Variants in ENPP6 observed in about 807,000 individuals in gnomAD.
ENPP6 encodes the protein ectonucleotide pyrophosphatase/phosphodiesterase 6, also known as glycerophosphocholine cholinephosphodiesterase ENPP6.
ENPP6 carries 32 observed loss-of-function variants against 42.0 expected under a neutral mutation model. That is an observed-to-expected ratio of 0.76 (90% confidence interval 0.58 to 1.02). ENPP6 has a LOEUF of 1.02. Among genes scored for constraint, ENPP6 ranks in the 50% least tolerant of loss-of-function variants. The pLI, the probability that ENPP6 is intolerant of heterozygous loss-of-function variation, is 0.00. For missense variants in ENPP6, 552 were observed against 566.8 expected, an observed-to-expected ratio of 0.97 and a Z score of 0.27; for synonymous variants, 213 against 216.0, an observed-to-expected ratio of 0.99 and a Z score of 0.12.
intron 3 of ENPP6, 54 bp from the exon 4 acceptor site, chr4:184,117,954 C>A (rs1035169324): frequency 2.5e-6 from 4 of 1,582,140 alleles, no homozygotes; most frequent in Non-Finnish European, 3.4e-6. Context: ...CCAGCTTGCT[C>A]CCTTATCACC....
chr4:184,116,649 C>A (rs1023131285), intron 5 of ENPP6, among the ~76,000 whole-genome samples: 7 of 152,132 alleles, frequency 4.6e-5, no homozygotes, highest in Admixed American at 6.5e-5. Context: ...AGGAGAATCA[C>A]TTGAACCTGG....
Position 184,129,133 on chromosome 4 carries a change from T to C in ENPP6, c.422-4861A>G, listed in dbSNP as rs77018228. ...TATCATCACCATGGTAATTTATTATTACTGTTCTAGAACTTCTCGAACAGG... is the reference window on the plus strand; with the variant it reads ...TATCATCACCATGGTAATTTATTATCACTGTTCTAGAACTTCTCGAACAGG... On this transcript the variant is annotated intron_variant, in intron 2 of 7. Coordinates refer to ENST00000296741, the MANE Select transcript of ENPP6 (RefSeq NM_153343.4). Among the ~76,000 whole-genome samples, 611 of 152,312 alleles carry C rather than the reference T, an allele frequency of 4.0e-3. 7 individuals carry two copies. Among genetic ancestry groups the C allele is most frequent in the African/African-American group, 0.013 (551 of 41,568 alleles).
At chr4:184,131,196 TCTTTC>T (rs796626776) in intron 2 of ENPP6, among the ~76,000 whole-genome samples, 2,246 of 54,132 alleles carry the variant, frequency 0.041, 126 homozygotes, top group South Asian at 0.044. Context: ...TTTCTTTCTT[TCTTTC>T]TTCTTTCTTT....
intron 1 of ENPP6, among the ~76,000 whole-genome samples, chr4:184,188,519 C>G (rs35355130): frequency 6.6e-6 from 1 of 151,850 alleles, no homozygotes; most frequent in African/African-American, 2.4e-5. Flanking sequence ...GAAGCTGTGT[C>G]ACAGTCTTGC....
intron 1 of ENPP6, among the ~76,000 whole-genome samples, chr4:184,166,324 C>T (rs991663886): frequency 1.3e-5 from 2 of 151,876 alleles, no homozygotes; most frequent in African/African-American, 2.4e-5. Flanking sequence ...ACAAAAATAA[C>T]CCCAAAAGAG....
chr4:184,101,421 G>C (rs1165966639), intron 6 of ENPP6, among the ~76,000 whole-genome samples: 1 of 151,906 alleles, frequency 6.6e-6, no homozygotes, highest in Non-Finnish European at 1.5e-5. Flanking sequence ...CAAATAAAGA[G>C]GGTGGGGTCG....
intron 1 of ENPP6, among the ~76,000 whole-genome samples, chr4:184,154,161 TTTCCTTTCTTAAATAAGAGGAGTTGTTGC>T (rs1278872528): frequency 6.6e-6 from 1 of 152,238 alleles, no homozygotes; most frequent in East Asian, 1.9e-4. Flanking sequence ...GCGTTTATTC[TTTCCTTTCTTAAATAAGAGGAGTTGTTGC>T]TTCAGCTCTG....
intron 2 of ENPP6, among the ~76,000 whole-genome samples, chr4:184,141,666 C>T (rs1184457626): frequency 6.6e-6 from 1 of 152,266 alleles, no homozygotes; most frequent in South Asian, 2.1e-4. Context: ...GTATTCCCAT[C>T]TCGGGCAGTC....
rs533234483 is a variant in ENPP6 at position 184,196,221 on chromosome 4, G to A, written c.241+21358C>T. Among the ~76,000 whole-genome samples, 62 of 152,310 alleles carry A rather than the reference G, an allele frequency of 4.1e-4. No homozygotes were observed. The South Asian group carries it at 7.5e-3, about 18-fold the overall frequency. Reference sequence around the variant, plus strand: ...TTCAGGCTTTACTCAAATAACTGTCGCCTCAGCGAACCTTCCCTCTTCACA... The same window carrying A: ...TTCAGGCTTTACTCAAATAACTGTCACCTCAGCGAACCTTCCCTCTTCACA... On this transcript the variant is annotated intron_variant, in intron 1 of 7. Coordinates refer to ENST00000296741, the MANE Select transcript of ENPP6 (RefSeq NM_153343.4).
chr4:184,172,196 A>G (rs562820761), intron 1 of ENPP6, among the ~76,000 whole-genome samples: 25 of 152,278 alleles, frequency 1.6e-4, no homozygotes, highest in African/African-American at 5.5e-4. Flanking sequence ...GATGTGGCGC[A>G]TTGTTGGGAG....
chr4:184,116,980 G>A lies in ENPP6; in HGVS notation c.731C>T (p.Thr244Ile), dbSNP rs1431841503. ...NVIIFSDHGM[T>I]DIFWMDKVIE... ...CACTTTGTCCATCCAGAAAATGTCG[G>A]TCATTCCGTGATCCGAGAAAATAAT... Residue 244 changes from threonine to isoleucine, a missense_variant, in exon 5 of 8, where the codon ACC (threonine) becomes ATC (isoleucine). Physicochemically the swap from Thr to Ile is moderately conservative, Grantham distance 89 (BLOSUM62 -1). Coordinates refer to ENST00000296741, the MANE Select transcript of ENPP6 (RefSeq NM_153343.4). 6.2e-7 allele frequency: 1 copy of A among 1,614,180 alleles called. No individual in the cohort carries two copies.
chr4:184,167,948 C>T (rs1882337), intron 1 of ENPP6, among the ~76,000 whole-genome samples: 57,345 of 151,914 alleles, frequency 0.38, 11,229 homozygotes, highest in East Asian at 0.53. Context: ...GATCAAAGAG[C>T]AACTCAAGGG....
In ENPP6 at chr4:184,163,173, C is replaced by T. The variant is rs962613555; in HGVS notation, c.242-9440G>A. 2.0e-5 allele frequency among the ~76,000 whole-genome samples: 3 copies of T among 152,168 alleles called. No homozygotes were observed. The South Asian group carries it at 6.2e-4, about 32-fold the overall frequency. ...AGGATCTTGCACTAAACATCAGAGA[C>T]CACACAAGCTGAGAGTCCCCTGAAC... On this transcript the variant is annotated intron_variant, in intron 1 of 7. Transcript: ENST00000296741.
At chr4:184,163,282 G>A (rs934435515) in intron 1 of ENPP6, among the ~76,000 whole-genome samples, 2 of 152,104 alleles carry the variant, frequency 1.3e-5, no homozygotes, top group East Asian at 3.9e-4. Context: ...TACCCTCCCT[G>A]CAATTTCAGA....
At chr4:184,157,968 T>G (rs1341918466) in intron 1 of ENPP6, among the ~76,000 whole-genome samples, 1 of 152,090 alleles carries the variant, frequency 6.6e-6, no homozygotes, top group Admixed American at 6.5e-5. Flanking sequence ...CTACTTAGAT[T>G]TCAATCAGTC....
rs781129375 is a variant in ENPP6, at chr4:184,117,711, G to A, written c.675+48C>T. 5.6e-6 allele frequency: 9 copies of A among 1,603,274 alleles called. No homozygotes were observed. The South Asian group carries it at 8.9e-5, about 16-fold the overall frequency. On this transcript the variant is annotated intron_variant, in intron 4 of 7. Coordinates refer to ENST00000296741, the MANE Select transcript of ENPP6 (RefSeq NM_153343.4). ...GGAGTGACTGTGGAGGAGACAAACAGAGGGTGACAGAGAGAAGGCCAGGCC... is the reference window on the plus strand; with the variant it reads ...GGAGTGACTGTGGAGGAGACAAACAAAGGGTGACAGAGAGAAGGCCAGGCC...
chr4:184,126,377 G>A (rs1021098727), intron 2 of ENPP6, among the ~76,000 whole-genome samples: 1 of 152,140 alleles, frequency 6.6e-6, no homozygotes. Flanking sequence ...TACAGGTAGA[G>A]GCAGTATGTG....
Position 184,097,423 on chromosome 4 carries a change from G to C in ENPP6, c.994-55C>G. ...CTACGTCCTGACCGTGGCGCTGAGC[G>C]GGCATCTGCTCCAAGCCGCCACTCC... On this transcript the variant is annotated intron_variant, in intron 6 of 7. Coordinates refer to ENST00000296741, the MANE Select transcript of ENPP6 (RefSeq NM_153343.4). 4.4e-6 allele frequency: 7 copies of C among 1,602,814 alleles called. No homozygotes were observed. The South Asian group carries it at 7.7e-5, about 18-fold the overall frequency.
At chr4:184,126,529 C>T (rs1267290915) in intron 2 of ENPP6, among the ~76,000 whole-genome samples, 1 of 152,126 alleles carries the variant, frequency 6.6e-6, no homozygotes, top group Non-Finnish European at 1.5e-5. Flanking sequence ...AAGAGAAATT[C>T]CCCCAAAGTA....
Sources: gnomAD v4.1 joint callset for allele counts (sites outside exome capture counted in the v4.1 genomes callset) on GRCh38, gnomAD v4.1.1 for gene constraint, MANE v1.5 for transcripts, NCBI Gene and HGNC (gene_info 2026-07-23, HGNC 2026-07-21) for gene names.